Variants in LYPLA1 observed in about 807,000 individuals in gnomAD.
LYPLA1 encodes acyl-protein thioesterase 1.
LYPLA1 carries 17 observed loss-of-function variants against 34.0 expected under a neutral mutation model. The ratio of observed to expected loss-of-function variants is 0.50; its 90% CI spans 0.34 to 0.75. LYPLA1 has a LOEUF of 0.75. Among genes scored for constraint, LYPLA1 ranks in the 30% least tolerant of loss-of-function variants. The probability of loss-of-function intolerance (pLI) is 0.01; values close to 1 mark genes in which losing one functional copy is unlikely to be tolerated. For missense variants in LYPLA1, 203 were observed against 288.8 expected (o/e 0.70, Z 2.15); for synonymous variants, 98 against 100.8 (o/e 0.97, Z 0.17).
chr8:54,062,731 T>A (rs993045535), intron 4 of LYPLA1, among the ~76,000 whole-genome samples: 1 of 152,118 alleles, frequency 6.6e-6, no homozygotes, highest in Non-Finnish European at 1.5e-5. Flanking sequence ...AGGCTGGTCC[T>A]GAACTCCTGA....
At chr8:54,058,018 GTTCT>G (rs1304883749) in intron 5 of LYPLA1, among the ~76,000 whole-genome samples, 2 of 152,150 alleles carry the variant, frequency 1.3e-5, no homozygotes, top group East Asian at 1.9e-4. Flanking sequence ...GTTAACAACA[GTTCT>G]TTCTCTCATC....
chr8:54,084,133 A>AAAATATATATATATACATATAT (rs1373090573), intron 2 of LYPLA1, among the ~76,000 whole-genome samples: 4 of 120,480 alleles, frequency 3.3e-5, no homozygotes, highest in African/African-American at 1.4e-4. Context: ...AGAAAAAAAA[A>AAAATATATATATATACATATAT]ATAAATAAAT....
At chr8:54,049,282 G>T (rs1805683168) in intron 8 of LYPLA1, among the ~76,000 whole-genome samples, 1 of 152,188 alleles carries the variant, frequency 6.6e-6, no homozygotes, top group African/African-American at 2.4e-5. Flanking sequence ...ACCTATCCAG[G>T]CCTCCGGCCT....
At chr8:54,099,943 C>CA (rs1347635316) in intron 2 of LYPLA1, among the ~76,000 whole-genome samples, 9 of 152,212 alleles carry the variant, frequency 5.9e-5, no homozygotes, top group Non-Finnish European at 1.2e-4. Flanking sequence ...CTCGGCCTCC[C>CA]AAAGTGCTGG....
At chr8:54,090,165 G>A (rs117058197) in intron 2 of LYPLA1, among the ~76,000 whole-genome samples, 33 of 152,270 alleles carry the variant, frequency 2.2e-4, no homozygotes, top group East Asian at 2.1e-3. Flanking sequence ...CATTGGGGGC[G>A]CCTGTCCACA....
At chr8:54,082,734 T>C (rs1172914709) in intron 2 of LYPLA1, among the ~76,000 whole-genome samples, 1 of 152,260 alleles carries the variant, frequency 6.6e-6, no homozygotes, top group African/African-American at 2.4e-5. Flanking sequence ...ACAGTCTTTC[T>C]TTCTTTTTCT....
intron 1 of LYPLA1, chr8:54,101,394 A>T: frequency 9.5e-7 from 1 of 1,056,704 alleles, no homozygotes; most frequent in Non-Finnish European, 1.1e-6. Flanking sequence ...TGAGGATAAG[A>T]GTGCGAGGTG....
rs1806127085 is a variant in LYPLA1 at position 54,055,248 on chromosome 8, G to C, written c.287-115C>G. 6.6e-6 allele frequency: 4 copies of C among 605,548 alleles called. No individual in the cohort carries two copies. The Admixed American group carries it at 1.0e-4, about 15-fold the overall frequency. The allele number at this position is 605,548 out of a possible 1,614,324, so 37.5% of individuals were successfully genotyped here. On this transcript the variant is annotated intron_variant, in intron 5 of 8. Coordinates refer to ENST00000316963, the MANE Select transcript of LYPLA1 (RefSeq NM_006330.4). Reference sequence around the variant, plus strand: ...GCGCAATTACTTTTAAGGTGGAAATGAGTGAAAAATTCAAAGCACTTCATT... The same window carrying C: ...GCGCAATTACTTTTAAGGTGGAAATCAGTGAAAAATTCAAAGCACTTCATT...
chr8:54,055,609 G>A (rs1806150431), intron 5 of LYPLA1, among the ~76,000 whole-genome samples: 1 of 151,226 alleles, frequency 6.6e-6, no homozygotes, highest in African/African-American at 2.4e-5. Flanking sequence ...AAATACCAAT[G>A]ACAATCTTCA....
chr8:54,043,359 C>G (rs751296065), downstream of LYPLA1: 1 of 152,044 alleles, frequency 6.6e-6, no homozygotes, highest in Non-Finnish European at 1.5e-5. Flanking sequence ...CACTGCAACC[C>G]CCGCCTCCCG....
At chr8:54,072,878 G>T (rs750943483) in intron 2 of LYPLA1, among the ~76,000 whole-genome samples, 3 of 151,000 alleles carry the variant, frequency 2.0e-5, no homozygotes, top group African/African-American at 4.9e-5. Flanking sequence ...TACTCAGGAG[G>T]CTGAGGCAGG....
intron 2 of LYPLA1, among the ~76,000 whole-genome samples, chr8:54,095,203 G>A (rs1809593574): frequency 6.6e-6 from 1 of 151,996 alleles, no homozygotes; most frequent in African/African-American, 2.4e-5. Flanking sequence ...CGTCATGTTG[G>A]CCAGGCTGGT....
At chr8:54,060,060 T>C (rs1441860528) in intron 5 of LYPLA1, among the ~76,000 whole-genome samples, 1 of 152,230 alleles carries the variant, frequency 6.6e-6, no homozygotes, top group African/African-American at 2.4e-5. Flanking sequence ...CACATTATTA[T>C]ACTTGTCAAT....
downstream of LYPLA1, chr8:54,043,289 AT>A (rs1234729257): frequency 6.6e-6 from 1 of 151,702 alleles, no homozygotes; most frequent in East Asian, 1.9e-4. Context: ...TGCATTTTTT[AT>A]TTTTGAGACG....
chr8:54,048,215 A>C (rs1805603925), intron 8 of LYPLA1, 97 bp from the exon 9 acceptor site: 2 of 726,060 alleles, frequency 2.8e-6, no homozygotes, highest in Non-Finnish European at 2.4e-6. Flanking sequence ...GGTATGCATA[A>C]AGGCGAAATC....
At chr8:54,092,351 GAGGAGA>G (rs1177781122) in intron 2 of LYPLA1, among the ~76,000 whole-genome samples, 6 of 151,844 alleles carry the variant, frequency 4.0e-5, no homozygotes, top group South Asian at 2.1e-4. Flanking sequence ...GGAGGAAGAG[GAGGAGA>G]AGGAGAAGGA....
In LYPLA1 at chr8:54,056,715, C is replaced by T. The variant is rs531111571; in HGVS notation, c.287-1582G>A. ...GGGTTACGAGGTCAAGTGATCAAGACCATCCTGCCCAACGTGGTGAAACCC... is the reference window on the plus strand; with the variant it reads ...GGGTTACGAGGTCAAGTGATCAAGATCATCCTGCCCAACGTGGTGAAACCC... On this transcript the variant is annotated intron_variant, in intron 5 of 8. Transcript: ENST00000316963. 3.9e-5 allele frequency among the ~76,000 whole-genome samples: 6 copies of T among 152,246 alleles called. No homozygotes were observed. The East Asian group carries it at 1.2e-3, about 29-fold the overall frequency.
chr8:54,060,024 A>G (rs1235995282), intron 5 of LYPLA1, among the ~76,000 whole-genome samples: 3 of 152,086 alleles, frequency 2.0e-5, no homozygotes. Context: ...CACCAACCAG[A>G]TTTTCCTGAA....
chr8:54,097,766 T>C (rs1359319705), intron 2 of LYPLA1, among the ~76,000 whole-genome samples: 1 of 152,220 alleles, frequency 6.6e-6, no homozygotes, highest in African/African-American at 2.4e-5. Context: ...CCAAACCCTA[T>C]ATATACTATG....
Sources: gnomAD v4.1 joint callset for allele counts (sites outside exome capture counted in the v4.1 genomes callset) on GRCh38, gnomAD v4.1.1 for gene constraint, MANE v1.5 for transcripts, NCBI Gene and HGNC (gene_info 2026-07-23, HGNC 2026-07-21) for gene names.